Variants in BICD1 observed in about 807,000 individuals in gnomAD.
BICD1 encodes BICD cargo adaptor 1.
BICD1 carries 35 observed loss-of-function variants against 92.5 expected under a neutral mutation model. The observed-to-expected ratio is 0.38, with a 90% CI of 0.29 to 0.50. The LOEUF is 0.50. BICD1 is among the 20% of genes least tolerant of loss of function. The pLI is 0.93. For synonymous variants in BICD1, 429 were observed against 465.1 expected (o/e 0.92, Z 1.00); for missense variants, 950 against 1,189.8 (o/e 0.80, Z 2.97).
At chr12:32,209,033 C>G (rs1186580559) in intron 1 of BICD1, among the ~76,000 whole-genome samples, 1 of 152,060 alleles carries the variant, frequency 6.6e-6, no homozygotes, top group African/African-American at 2.4e-5. Flanking sequence ...TGGGGTTTCA[C>G]TATGTTGGTC....
At chr12:32,184,979 G>T (rs1944389859) in intron 1 of BICD1, among the ~76,000 whole-genome samples, 1 of 152,160 alleles carries the variant, frequency 6.6e-6, no homozygotes, top group Non-Finnish European at 1.5e-5. Flanking sequence ...GCTGTGTCCA[G>T]ATGGATGTTT....
intron 1 of BICD1, among the ~76,000 whole-genome samples, chr12:32,150,960 C>T (rs1943270427): frequency 6.6e-6 from 1 of 151,998 alleles, no homozygotes; most frequent in African/African-American, 2.4e-5. Context: ...TCAATGGTAC[C>T]CTGCTTCTTA....
intron 1 of BICD1, among the ~76,000 whole-genome samples, chr12:32,128,836 G>A (rs975150575): frequency 6.6e-6 from 1 of 152,034 alleles, no homozygotes; most frequent in South Asian, 2.1e-4. Flanking sequence ...GCAAGGGCAC[G>A]ATCTTGGCTT....
intron 2 of BICD1, among the ~76,000 whole-genome samples, chr12:32,223,823 C>A (rs1413256939): frequency 5.3e-5 from 8 of 152,046 alleles, no homozygotes. Flanking sequence ...TACTAATTGG[C>A]CTAATTTCAA....
intron 1 of BICD1, among the ~76,000 whole-genome samples, chr12:32,203,429 A>T (rs889417075): frequency 6.6e-6 from 1 of 152,184 alleles, no homozygotes; most frequent in African/African-American, 2.4e-5. Context: ...TGTGCCATAC[A>T]TATGTGTGGC....
At position 32,327,553 on chromosome 12, in the gene BICD1, G is replaced by T. The variant is rs370202079; in HGVS notation, c.1098G>T (p.Glu366Asp). The change falls in exon 5 of 10, where the codon GAG becomes GAT. Residue 366 changes from glutamate to aspartate, a missense_variant. Glu to Asp is a conservative substitution (Grantham distance 45). Around this residue, in one of 5 missense-constraint regions of BICD1, gnomAD observed 246 missense variants for 258.4 expected, o/e 0.95. Transcript: ENST00000652176. ...HTKGALTEQH[E>D]RVHRLTEHVN... ...AGGGGGCACTGACGGAGCAGCATGA[G>T]CGGGTGCACCGGCTCACAGAGCACG... 3.1e-6 allele frequency: 5 copies of T among 1,614,074 alleles called. No homozygotes were observed. The African/African-American group carries it at 6.7e-5, about 22-fold the overall frequency.
At chr12:32,143,549 T>C (rs754544392) in intron 1 of BICD1, among the ~76,000 whole-genome samples, 2 of 152,226 alleles carry the variant, frequency 1.3e-5, no homozygotes, top group Non-Finnish European at 2.9e-5. Context: ...TGTATGATTG[T>C]ACCACAGTTT....
At chr12:32,306,458 A>T (rs544827155) in intron 4 of BICD1, among the ~76,000 whole-genome samples, 26 of 151,778 alleles carry the variant, frequency 1.7e-4, no homozygotes, top group South Asian at 6.2e-4. Context: ...ATTAGCCAGG[A>T]TGGTCTCGAT....
intron 3 of BICD1, among the ~76,000 whole-genome samples, chr12:32,300,631 ATTTTTTT>A (rs34219566): frequency 3.7e-5 from 3 of 80,594 alleles, no homozygotes; most frequent in East Asian, 5.9e-4. Flanking sequence ...ACTTTACAGT[ATTTTTTT>A]TTTTTTTTTT....
chr12:32,130,829 T>C (rs1942520255), intron 1 of BICD1, among the ~76,000 whole-genome samples: 1 of 152,108 alleles, frequency 6.6e-6, no homozygotes, highest in African/African-American at 2.4e-5. Context: ...TAAATAATGC[T>C]CCTTGACATT....
intron 1 of BICD1, among the ~76,000 whole-genome samples, chr12:32,169,401 G>C (rs1287613012): frequency 6.6e-6 from 1 of 152,050 alleles, no homozygotes; most frequent in Non-Finnish European, 1.5e-5. Flanking sequence ...GAGAGTGAAA[G>C]GAAGGGAAGA....
intron 1 of BICD1, among the ~76,000 whole-genome samples, chr12:32,169,618 C>G (rs1253960133): frequency 6.6e-6 from 1 of 151,906 alleles, no homozygotes; most frequent in Non-Finnish European, 1.5e-5. Flanking sequence ...AGAAGGTTCT[C>G]TTTGAAGAAA....
intron 2 of BICD1, among the ~76,000 whole-genome samples, chr12:32,244,195 A>G (rs1358486027): frequency 6.6e-6 from 1 of 152,222 alleles, no homozygotes; most frequent in Non-Finnish European, 1.5e-5. Context: ...TTTCTTTTGT[A>G]TACAAGATAG....
chr12:32,364,630 G>A (rs1939457087), intron 8 of BICD1, among the ~76,000 whole-genome samples: 1 of 152,156 alleles, frequency 6.6e-6, no homozygotes, highest in African/African-American at 2.4e-5. Context: ...GTAGCTAAGT[G>A]CTTATAAATA....
chr12:32,300,930 C>T lies in BICD1; in HGVS notation c.580-4767C>T, dbSNP rs147422284. Among the ~76,000 whole-genome samples, 5 of 152,144 alleles carry T rather than the reference C, an allele frequency of 3.3e-5. No homozygotes were observed. In the East Asian group the frequency reaches 5.8e-4, roughly 18 times the overall value. The stretch of plus-strand genomic sequence containing the variant: ...CCTCCCAAAGTGCTGGGATTACAGG[C>T]GCGAGTCACTGCGCCCGGCCCAACT... On this transcript the variant is annotated intron_variant, in intron 3 of 9. Coordinates refer to ENST00000652176, the MANE Select transcript of BICD1 (RefSeq NM_001714.4).
intron 2 of BICD1, among the ~76,000 whole-genome samples, chr12:32,253,946 T>A (rs36187787): frequency 1.4e-5 from 2 of 145,912 alleles, no homozygotes; most frequent in African/African-American, 2.6e-5. Flanking sequence ...ACCTGTCATA[T>A]TTACTGCTGT....
chr12:32,325,275 C>T lies in BICD1; in HGVS notation c.1006-2186C>T, dbSNP rs138466874. Among the ~76,000 whole-genome samples the T allele has an allele frequency of 1.9e-3, 292 of 152,290 alleles. 1 individual carries two copies. Among genetic ancestry groups the T allele is most frequent in the African/African-American group, 6.7e-3 (277 of 41,556 alleles). Reference sequence around the variant, plus strand: ...GGAGACAAGACAAGGCAACTACATCCTTAGCTGTCTATGAGTGAACTGAAT... The same window carrying T: ...GGAGACAAGACAAGGCAACTACATCTTTAGCTGTCTATGAGTGAACTGAAT... On this transcript the variant is annotated intron_variant, in intron 4 of 9. Coordinates refer to ENST00000652176, the MANE Select transcript of BICD1 (RefSeq NM_001714.4).
chr12:32,246,888 C>G (rs1340355185), intron 2 of BICD1, among the ~76,000 whole-genome samples: 2 of 152,134 alleles, frequency 1.3e-5, no homozygotes, highest in Non-Finnish European at 2.9e-5. Context: ...AATGGGACCT[C>G]TCATTGAGAA....
intron 2 of BICD1, among the ~76,000 whole-genome samples, chr12:32,282,735 C>A (rs1947453530): frequency 6.6e-6 from 1 of 152,046 alleles, no homozygotes; most frequent in African/African-American, 2.4e-5. Context: ...AGCAGCCAGG[C>A]AGGTAAGAGT....
Sources: allele counts gnomAD v4.1 joint callset (sites outside exome capture counted in the v4.1 genomes callset), GRCh38; gene constraint gnomAD v4.1.1; regional missense constraint gnomAD v4.1.1; transcripts MANE v1.5; gene names NCBI Gene and HGNC (gene_info 2026-07-23, HGNC 2026-07-21).